RANBP17: variants seen among roughly 807,000 people sequenced by gnomAD.
The protein encoded by RANBP17 is RAN binding protein 17.
Under a neutral mutation model 141.2 loss-of-function variants are expected in RANBP17, and 158 were observed. The ratio of observed to expected loss-of-function variants is 1.12; its 90% CI spans 0.98 to 1.28. The LOEUF is 1.28. Among genes scored for constraint, RANBP17 ranks in the 50% most tolerant of loss-of-function variants. RANBP17 has a pLI of 0.00. For missense variants in RANBP17, 1,438 were observed against 1,290.7 expected, an observed-to-expected ratio of 1.11 and a Z score of -1.75; for synonymous variants, 430 against 450.0, an observed-to-expected ratio of 0.96 and a Z score of 0.56.
intron 14 of RANBP17, among the ~76,000 whole-genome samples, chr5:171,007,620 G>A (rs1398699804): frequency 6.6e-6 from 1 of 152,096 alleles, no homozygotes; most frequent in Non-Finnish European, 1.5e-5. Context: ...GGAACGAAGT[G>A]TGAAAAATGC....
chr5:171,019,069 G>T (rs1247420658), intron 14 of RANBP17, among the ~76,000 whole-genome samples: 1 of 152,110 alleles, frequency 6.6e-6, no homozygotes, highest in Non-Finnish European at 1.5e-5. Context: ...TTATTGATTT[G>T]TATATGTGGA....
chr5:171,269,945 A>T (rs1315605233), intron 25 of RANBP17, among the ~76,000 whole-genome samples: 1 of 152,228 alleles, frequency 6.6e-6, no homozygotes, highest in African/African-American at 2.4e-5. Context: ...TGATGCAATG[A>T]TACTGCAATT....
chr5:171,298,457 T>C (rs557415841), intron 27 of RANBP17, among the ~76,000 whole-genome samples: 62 of 152,346 alleles, frequency 4.1e-4, no homozygotes, highest in African/African-American at 1.5e-3. Context: ...CCTTACTATC[T>C]ATGTGTAATT....
chr5:170,973,906 C>T (rs1777172813), intron 14 of RANBP17, among the ~76,000 whole-genome samples: 2 of 152,154 alleles, frequency 1.3e-5, no homozygotes, highest in South Asian at 4.2e-4. Context: ...TCCATGAGAG[C>T]TCTGCCCTCA....
intron 21 of RANBP17, among the ~76,000 whole-genome samples, chr5:171,215,416 C>T (rs1277230497): frequency 6.6e-6 from 1 of 152,104 alleles, no homozygotes; most frequent in Non-Finnish European, 1.5e-5. Context: ...TTGGTATATA[C>T]CCAGTAATGG....
chr5:171,263,695 A>G (rs1466245607), intron 24 of RANBP17, among the ~76,000 whole-genome samples: 1 of 152,160 alleles, frequency 6.6e-6, no homozygotes, highest in East Asian at 1.9e-4. Flanking sequence ...CTACTTCTTG[A>G]ATATACCCTT....
At chr5:170,933,907 C>A (rs1268239398) in intron 12 of RANBP17, among the ~76,000 whole-genome samples, 13 of 151,558 alleles carry the variant, frequency 8.6e-5, no homozygotes, top group African/African-American at 1.9e-4. Flanking sequence ...TGGGGTGGAG[C>A]GTTCTGTAGA....
intron 7 of RANBP17, among the ~76,000 whole-genome samples, chr5:170,911,747 A>G (rs956975346): frequency 1.5e-4 from 23 of 151,916 alleles, no homozygotes; most frequent in African/African-American, 5.6e-4. Flanking sequence ...TATAAAGAGA[A>G]TGAATTAGAT....
chr5:171,247,496 A>G (rs972364527), intron 24 of RANBP17, among the ~76,000 whole-genome samples: 9 of 152,266 alleles, frequency 5.9e-5, no homozygotes, highest in African/African-American at 2.2e-4. Context: ...TGATGGAAAA[A>G]ATAAGGAGGT....
intron 14 of RANBP17, among the ~76,000 whole-genome samples, chr5:171,109,145 T>A (rs1755047243): frequency 6.6e-6 from 1 of 152,168 alleles, no homozygotes; most frequent in Admixed American, 6.5e-5. Context: ...AAAATACAAA[T>A]TTTTAAAATA....
intron 14 of RANBP17, among the ~76,000 whole-genome samples, chr5:171,161,082 G>A (rs374978832): frequency 9.2e-5 from 14 of 152,140 alleles, no homozygotes; most frequent in African/African-American, 3.1e-4. Flanking sequence ...GTGAGCCACC[G>A]CGCCCGGCTG....
At chr5:170,931,876 T>A (rs562242609) in intron 12 of RANBP17, among the ~76,000 whole-genome samples, 2,033 of 152,254 alleles carry the variant, frequency 0.013, 27 homozygotes, top group Admixed American at 0.023. Context: ...CTTAGGATTG[T>A]CTTGGCAATG....
chr5:171,083,295 C>T (rs1440136566), intron 14 of RANBP17, among the ~76,000 whole-genome samples: 1 of 151,998 alleles, frequency 6.6e-6, no homozygotes, highest in East Asian at 1.9e-4. Flanking sequence ...GACATAAGTG[C>T]CCTTATAAAA....
At position 171,186,526 on chromosome 5, in the gene RANBP17, CTTTTTTTTTTTTT is replaced by C. The variant is rs757585137; in HGVS notation, c.2038+3112_2038+3124del. Among the ~76,000 whole-genome samples the C allele has an allele frequency of 2.6e-4, 11 of 41,650 alleles. No homozygotes were observed. The Admixed American group carries it at 3.5e-3, about 13-fold the overall frequency. The allele number at this position is 41,650 out of a possible 152,430, so 27.3% of individuals were successfully genotyped here. A position where few individuals can be genotyped will look rare whatever the true frequency, so the allele number is the denominator to read the frequency against. ...GAAATGTTATCACTGGTATGATTTT[CTTTTTTTTTTTTT>C]TTTTTTTTTTTTTTTGAGACGGAGT... On this transcript the variant is annotated intron_variant, in intron 18 of 27. Coordinates refer to ENST00000523189, the MANE Select transcript of RANBP17 (RefSeq NM_022897.5).
intron 2 of RANBP17, among the ~76,000 whole-genome samples, chr5:170,879,939 C>A (rs1384307804): frequency 6.6e-6 from 1 of 152,156 alleles, no homozygotes; most frequent in Admixed American, 6.5e-5. Flanking sequence ...ACAATAGATT[C>A]ATATATTTAC....
chr5:171,126,607 CAAAT>C (rs1342664872), intron 14 of RANBP17, among the ~76,000 whole-genome samples: 1 of 151,816 alleles, frequency 6.6e-6, no homozygotes, highest in Admixed American at 6.6e-5. Context: ...AGAGAAAACC[CAAAT>C]AAATAAATCC....
At chr5:171,002,198 G>C (rs1309190848) in intron 14 of RANBP17, among the ~76,000 whole-genome samples, 1 of 152,120 alleles carries the variant, frequency 6.6e-6, no homozygotes, top group Non-Finnish European at 1.5e-5. Context: ...GAATGGGCCT[G>C]TGAGGCTGGA....
chr5:170,911,309 T>A, intron 7 of RANBP17, 175 bp downstream of exon 7: 1 of 609,916 alleles, frequency 1.6e-6, no homozygotes, highest in Non-Finnish European at 2.9e-6. Flanking sequence ...TAATTCATAT[T>A]ATAGTAACTT....
intron 16 of RANBP17, among the ~76,000 whole-genome samples, chr5:171,176,021 A>C (rs537773995): frequency 6.6e-6 from 1 of 152,122 alleles, no homozygotes; most frequent in Non-Finnish European, 1.5e-5. Flanking sequence ...CCACTATGCA[A>C]GTATACAGCC....
Sources: gnomAD v4.1 joint callset for allele counts (sites outside exome capture counted in the v4.1 genomes callset) on GRCh38, gnomAD v4.1.1 for gene constraint, MANE v1.5 for transcripts, NCBI Gene and HGNC (gene_info 2026-07-23, HGNC 2026-07-21) for gene names.